Variants in HPGD observed in about 807,000 individuals in gnomAD.
HPGD encodes 15-hydroxyprostaglandin dehydrogenase [NAD(+)].
HPGD carries 29 observed loss-of-function variants against 30.0 expected under a neutral mutation model. The ratio of observed to expected loss-of-function variants is 0.97; its 90% CI spans 0.72 to 1.32. The LOEUF (loss-of-function observed/expected upper bound fraction) is 1.32. Ranked by LOEUF, HPGD falls within the 40% of genes most tolerant of loss-of-function variation. HPGD has a pLI of 0.00. For synonymous variants in HPGD, 99 were observed against 112.4 expected, an observed-to-expected ratio of 0.88 and a Z score of 0.75; for missense variants, 340 against 322.1, an observed-to-expected ratio of 1.06 and a Z score of -0.43.
intron 3 of HPGD, among the ~76,000 whole-genome samples, chr4:174,509,837 C>G (rs544922013): frequency 5.3e-5 from 8 of 151,112 alleles, no homozygotes; most frequent in Middle Eastern, 6.8e-3. Flanking sequence ...TACAGCTATC[C>G]TTTTGATAGT....
At chr4:174,504,448 A>T (rs1735072357) in intron 4 of HPGD, among the ~76,000 whole-genome samples, 1 of 152,118 alleles carries the variant, frequency 6.6e-6, no homozygotes, top group African/African-American at 2.4e-5. Context: ...CAGCCTCACT[A>T]ACTGAATATG....
intron 2 of HPGD, among the ~76,000 whole-genome samples, chr4:174,518,873 C>T (rs12500316): frequency 0.17 from 26,467 of 152,052 alleles, 2,819 homozygotes; most frequent in Non-Finnish European, 0.24. Context: ...ACTGTTTCCC[C>T]GGGCCTTTGA....
rs531040020 is a variant in HPGD at position 174,504,133 on chromosome 4, A to G, written c.421+4563T>C. On this transcript the variant is annotated intron_variant, in intron 4 of 6. Transcript: ENST00000296522. ...GTAGAAACTTTGCCTAGTTACTTTA[A>G]TATCTCCATTTCCCTTCTGCAAATG... is the stretch of plus-strand genomic sequence containing the variant. Among the ~76,000 whole-genome samples, 397 of 152,294 alleles carry G rather than the reference A, an allele frequency of 2.6e-3. 3 individuals are homozygous for G. The highest frequency in any genetic ancestry group is 9.1e-3 in the African/African-American group (378 of 41,566).
chr4:174,504,195 A>C (rs901506705), intron 4 of HPGD, among the ~76,000 whole-genome samples: 2 of 152,184 alleles, frequency 1.3e-5, no homozygotes, highest in Admixed American at 1.3e-4. Flanking sequence ...ATTTTTATTT[A>C]AGGTAGTAAT....
Position 174,517,964 on chromosome 4 carries a change from A to C in HPGD, c.324+7T>G. Reference sequence around the variant, plus strand: ...TATAGACAAGAAATATAGCTAAGATAACTCACCAAATTAATTTGCAGAGTT... The same window carrying C: ...TATAGACAAGAAATATAGCTAAGATCACTCACCAAATTAATTTGCAGAGTT... On this transcript the variant is annotated splice_region_variant and intron_variant, in intron 3 of 6. Transcript: ENST00000296522. The C allele has an allele frequency of 7.2e-7, 1 of 1,386,426 alleles. No homozygotes were observed. Among genetic ancestry groups the C allele is most frequent in the Non-Finnish European group, 1.0e-6 (1 of 973,206 alleles). The allele number at this position is 1,386,426 out of a possible 1,614,324, so 85.9% of individuals were successfully genotyped here. A position where few individuals can be genotyped will look rare whatever the true frequency, so the allele number is the denominator to read the frequency against.
chr4:174,493,848 CATT>C (rs1213964019), intron 5 of HPGD, among the ~76,000 whole-genome samples: 1 of 152,134 alleles, frequency 6.6e-6, no homozygotes, highest in Non-Finnish European at 1.5e-5. Context: ...AGTCAATTCT[CATT>C]ATTCATGGAT....
At chr4:174,497,436 AAG>A (rs755337452) in intron 4 of HPGD, among the ~76,000 whole-genome samples, 9 of 152,126 alleles carry the variant, frequency 5.9e-5, no homozygotes, top group East Asian at 5.8e-4. Flanking sequence ...TGGAATGTGA[AAG>A]AAATTGCTTG....
intron 5 of HPGD, 154 bp from the exon 6 acceptor site, chr4:174,493,468 A>C: frequency 1.5e-6 from 1 of 675,634 alleles, no homozygotes. Context: ...AGATAGTAAA[A>C]TAACACATAC....
At position 174,522,077 on chromosome 4, in the gene HPGD, A is replaced by G. The variant is rs1383724637; in HGVS notation, c.94-10T>C. 5 of 1,614,056 alleles carry G rather than the reference A, an allele frequency of 3.1e-6. No homozygotes were observed. The highest frequency in any genetic ancestry group is 4.2e-6 in the Non-Finnish European group (5 of 1,180,026). On this transcript the variant is annotated splice_polypyrimidine_tract_variant and intron_variant, in intron 1 of 6. Coordinates refer to ENST00000296522, the MANE Select transcript of HPGD (RefSeq NM_000860.6). ...AATCCACCAGCGCTACCTATAGACA[A>G]GAGGAGAGGAATCGCGGGCCTGCGC...
chr4:174,490,956 A>AT lies in HPGD; in HGVS notation c.*999dup, dbSNP rs1734316015. ...ACAAAAAAAGCAAAACCTCACAGCT[A>AT]TTTTTATGTCTGTGTTGTTATGAGT... On this transcript the variant is annotated 3_prime_UTR_variant, in exon 7 of 7. Transcript: ENST00000296522. This position sits in a 1 kb window ranked among gnomAD's most constrained non-coding sequence, Gnocchi z 4.4. The AT allele has an allele frequency of 6.6e-6, 1 of 152,266 alleles. No individual in the cohort carries two copies. Among genetic ancestry groups the AT allele is most frequent in the South Asian group, 2.1e-4 (1 of 4,834 alleles). 9.4% of individuals were successfully genotyped at this position (152,266 alleles called of 1,614,324 possible).
At chr4:174,518,339 T>G (rs1188094383) in intron 2 of HPGD, among the ~76,000 whole-genome samples, 1 of 152,194 alleles carries the variant, frequency 6.6e-6, no homozygotes, top group Non-Finnish European at 1.5e-5. Context: ...TAACATATTC[T>G]TACATGATTT....
chr4:174,500,148 C>T (rs1337122136), intron 4 of HPGD, among the ~76,000 whole-genome samples: 1 of 151,924 alleles, frequency 6.6e-6, no homozygotes, highest in Non-Finnish European at 1.5e-5. Context: ...AAACAACAAA[C>T]GAAAAAGAAA....
intron 4 of HPGD, among the ~76,000 whole-genome samples, chr4:174,501,148 C>T (rs760603412): frequency 6.6e-6 from 1 of 152,020 alleles, no homozygotes; most frequent in Non-Finnish European, 1.5e-5. Context: ...GTGTGTAAAA[C>T]CAATGGGAGG....
intron 2 of HPGD, among the ~76,000 whole-genome samples, chr4:174,518,956 A>G (rs1190198599): frequency 6.6e-6 from 1 of 152,206 alleles, no homozygotes; most frequent in East Asian, 1.9e-4. Context: ...ACGGAAATAT[A>G]TTCTCAGGTG....
chr4:174,500,824 A>G (rs1734865011), intron 4 of HPGD, among the ~76,000 whole-genome samples: 1 of 152,310 alleles, frequency 6.6e-6, no homozygotes, highest in African/African-American at 2.4e-5. Flanking sequence ...ATATGTTATT[A>G]TACCTTTGTT....
rs1735972342 is a variant in HPGD, at chr4:174,519,516, A to G, written c.218-1439T>C. Among the ~76,000 whole-genome samples, 4 of 152,348 alleles carry G rather than the reference A, an allele frequency of 2.6e-5. No homozygotes were observed. In the South Asian group the frequency reaches 8.3e-4, roughly 32 times the overall value. On this transcript the variant is annotated intron_variant, in intron 2 of 6. Coordinates refer to ENST00000296522, the MANE Select transcript of HPGD (RefSeq NM_000860.6). ...CATCCACATGGCCTGAAGTAACTGA[A>G]GAATCACAAAAGTAGTGATACTTAA...
At position 174,491,063 on chromosome 4, in the gene HPGD, T is replaced by A; in HGVS notation, c.*893A>T. On this transcript the variant is annotated 3_prime_UTR_variant, in exon 7 of 7. Transcript: ENST00000296522. ...TCCTTGATAGCTATACATAGAAGAC[T>A]AAGTAATTTATGGAGATCAGAATAA... is the stretch of plus-strand genomic sequence containing the variant. 6.6e-6 allele frequency: 1 copy of A among 152,670 alleles called. No individual in the cohort carries two copies. Among genetic ancestry groups the A allele is most frequent in the Admixed American group, 6.5e-5 (1 of 15,270 alleles). The allele number at this position is 152,670 out of a possible 1,614,324, so 9.5% of individuals were successfully genotyped here.
Position 174,522,399 on chromosome 4 carries a change from C to G in HPGD, c.53G>C (p.Gly18Ala). 1 of 1,582,374 alleles carries G rather than the reference C, an allele frequency of 6.3e-7. No individual in the cohort carries two copies. Among genetic ancestry groups the G allele is most frequent in the Admixed American group, 1.8e-5 (1 of 56,252 alleles). Residue 18 changes from glycine to alanine, a missense_variant, in exon 1 of 7, where the codon GGC becomes GCC. Coordinates refer to ENST00000296522, the MANE Select transcript of HPGD (RefSeq NM_000860.6). Reference protein sequence around the residue: ...ALVTGAAQGIGRAFAEALLLK... With the variant: ...ALVTGAAQGIARAFAEALLLK... ...CAGCAGCGCCTCTGCAAAGGCTCTG[C>G]CTATGCCCTGAGCCGCGCCGGTCAC... is the stretch of plus-strand genomic sequence containing the variant.
chr4:174,502,823 G>A (rs1402341559), intron 4 of HPGD, among the ~76,000 whole-genome samples: 1 of 152,106 alleles, frequency 6.6e-6, no homozygotes, highest in Non-Finnish European at 1.5e-5. Flanking sequence ...CCTAGGCTGT[G>A]GTCAGAGGAA....
Sources: gnomAD v4.1 joint callset for allele counts (sites outside exome capture counted in the v4.1 genomes callset) on GRCh38, gnomAD v4.1.1 for gene constraint, Gnocchi (gnomAD v3.1) non-coding constraint, MANE v1.5 for transcripts, NCBI Gene and HGNC (gene_info 2026-07-23, HGNC 2026-07-21) for gene names.